LARGE1: variants seen among roughly 807,000 people sequenced by gnomAD.
LARGE1 encodes the protein xylosyl- and glucuronyltransferase LARGE1.
A neutral mutation model predicts 87.6 loss-of-function variants in LARGE1; 43 were observed. The ratio of observed to expected loss-of-function variants is 0.49; its 90% CI spans 0.38 to 0.63. LARGE1 has a LOEUF of 0.63. LARGE1 is among the 30% of genes least tolerant of loss of function. The pLI, the probability that LARGE1 is intolerant of heterozygous loss-of-function variation, is 0.00. For missense variants in LARGE1, 802 were observed against 1,000.2 expected, an observed-to-expected ratio of 0.80 and a Z score of 2.67; for synonymous variants, 434 against 394.6, an observed-to-expected ratio of 1.10 and a Z score of -1.18.
At chr22:33,296,020 A>T (rs530734959) in intron 12 of LARGE1, among the ~76,000 whole-genome samples, 1 of 152,352 alleles carries the variant, frequency 6.6e-6, no homozygotes, top group South Asian at 2.1e-4. Flanking sequence ...TGAGCACTTG[A>T]CCATGTGCGA....
At chr22:33,460,981 A>T (rs1272718013) in intron 6 of LARGE1, among the ~76,000 whole-genome samples, 1 of 151,358 alleles carries the variant, frequency 6.6e-6, no homozygotes, top group East Asian at 1.9e-4. Context: ...AGCAAATACA[A>T]ATCCTATCTA....
chr22:33,584,772 C>T (rs963609447), intron 5 of LARGE1, among the ~76,000 whole-genome samples: 8 of 152,082 alleles, frequency 5.3e-5, no homozygotes, highest in African/African-American at 1.9e-4. Flanking sequence ...CTCGGAAAAT[C>T]CTAACATGAT....
At chr22:33,877,445 T>G (rs75748662) in intron 1 of LARGE1, among the ~76,000 whole-genome samples, 5,308 of 152,272 alleles carry the variant, frequency 0.035, 319 homozygotes, top group African/African-American at 0.12. Flanking sequence ...ACAGATTATC[T>G]GGGTTCAAAC....
intron 3 of LARGE1, among the ~76,000 whole-genome samples, chr22:33,640,812 G>A (rs1168702478): frequency 6.6e-6 from 1 of 152,152 alleles, no homozygotes; most frequent in Admixed American, 6.5e-5. Context: ...TTAATTGACT[G>A]TGCAGAACTC....
rs1389852831 is a variant in LARGE1 at position 33,920,266 on chromosome 22, G to C, written c.-354C>G. ...CTCCCGGCCCGGGGGACTCTTCCGAGCCAGGGGCGCCCCGCATGGGCAGGG... is the reference window on the plus strand; with the variant it reads ...CTCCCGGCCCGGGGGACTCTTCCGACCCAGGGGCGCCCCGCATGGGCAGGG... On this transcript the variant is annotated 5_prime_UTR_variant, in exon 1 of 15. Transcript: ENST00000397394. 6.5e-6 allele frequency: 1 copy of C among 152,764 alleles called. No homozygotes were observed. Among genetic ancestry groups the C allele is most frequent in the African/African-American group, 2.4e-5 (1 of 41,458 alleles). 9.5% of individuals were successfully genotyped at this position (152,764 alleles called of 1,614,324 possible).
upstream of LARGE1, among the ~76,000 whole-genome samples, chr22:33,921,621 G>A (rs975670767): frequency 4.6e-5 from 7 of 152,138 alleles, no homozygotes; most frequent in Non-Finnish European, 7.4e-5. This position sits in a 1 kb window ranked among gnomAD's most constrained non-coding sequence, Gnocchi z 4.1. Flanking sequence ...CCTGTCCAAG[G>A]CTTCCTCTTC....
intron 1 of LARGE1, among the ~76,000 whole-genome samples, chr22:33,815,259 G>A (rs2086616008): frequency 6.6e-6 from 1 of 152,168 alleles, no homozygotes; most frequent in Admixed American, 6.5e-5. Context: ...GCAGAAGCTA[G>A]AACTTCCTCC....
chr22:33,593,041 G>A (rs975353791), intron 5 of LARGE1, among the ~76,000 whole-genome samples: 3 of 152,096 alleles, frequency 2.0e-5, no homozygotes, highest in African/African-American at 2.4e-5. Context: ...GGGTTTCACC[G>A]TGTTAGCCAG....
At position 33,274,442 on chromosome 22, in the gene LARGE1, G is replaced by T. The variant is rs114246562; in HGVS notation, c.2256C>A (p.Ala752=). The T allele has an allele frequency of 6.2e-7, 1 of 1,614,162 alleles. No homozygotes were observed. Among genetic ancestry groups the T allele is most frequent in the Non-Finnish European group, 8.5e-7 (1 of 1,180,026 alleles). The change falls in exon 15 of 15, where the codon GCC becomes GCA. Residue 752 remains alanine, a synonymous_variant. Coordinates refer to ENST00000397394, the MANE Select transcript of LARGE1 (RefSeq NM_133642.5). ...CTTCTTGGTGCTAGCTGTTGTTCTC[G>T]GCTGTGAGATATTTCAGGGCAGCAA... ...YGFAALKYLT[A]ENNS
At chr22:33,294,548 T>C (rs16992082) in intron 12 of LARGE1, among the ~76,000 whole-genome samples, 3,042 of 152,298 alleles carry the variant, frequency 0.02, 80 homozygotes, top group African/African-American at 0.065. Flanking sequence ...ATTTAGTGCA[T>C]AGCCAGTTAG....
intron 3 of LARGE1, among the ~76,000 whole-genome samples, chr22:33,639,473 G>A (rs190419386): frequency 2.9e-4 from 44 of 152,190 alleles, no homozygotes; most frequent in Non-Finnish European, 5.7e-4. Flanking sequence ...TATTCATAAT[G>A]AGTATATGTG....
chr22:33,654,965 C>A (rs1215233396), intron 2 of LARGE1, among the ~76,000 whole-genome samples: 2 of 152,198 alleles, frequency 1.3e-5, no homozygotes, highest in African/African-American at 4.8e-5. Flanking sequence ...CTGGTCTACA[C>A]TACGTTAATC....
At chr22:33,423,649 C>T (rs1324517710) in intron 7 of LARGE1, among the ~76,000 whole-genome samples, 2 of 147,242 alleles carry the variant, frequency 1.4e-5, no homozygotes, top group Non-Finnish European at 3.0e-5. Flanking sequence ...CACTGCCCTC[C>T]AGCCTGGGCT....
the LARGE1 span, among the ~76,000 whole-genome samples, chr22:33,098,916 T>C: frequency 1.3e-5 from 2 of 152,210 alleles, no homozygotes; most frequent in African/African-American, 4.8e-5. Context: ...TTCCCACAGA[T>C]GCCAACCTTG....
intron 4 of LARGE1, among the ~76,000 whole-genome samples, chr22:33,616,040 G>C (rs1022988738): frequency 3.3e-5 from 5 of 152,128 alleles, no homozygotes; most frequent in African/African-American, 1.2e-4. Context: ...GCAGATATTG[G>C]AACCCTCAAT....
intron 11 of LARGE1, among the ~76,000 whole-genome samples, chr22:33,246,809 A>G (rs947102863): frequency 2.6e-5 from 4 of 152,200 alleles, no homozygotes; most frequent in African/African-American, 9.7e-5. Flanking sequence ...GTGGTCAACA[A>G]CTTTTTATCA....
chr22:33,308,743 C>T (rs1935223309), intron 11 of LARGE1, among the ~76,000 whole-genome samples: 2 of 152,156 alleles, frequency 1.3e-5, no homozygotes, highest in South Asian at 4.1e-4. Flanking sequence ...ACGGCAGACA[C>T]AGGAATGAGC....
chr22:33,454,475 C>T (rs573503518), intron 6 of LARGE1, among the ~76,000 whole-genome samples: 78 of 151,770 alleles, frequency 5.1e-4, no homozygotes, highest in African/African-American at 1.7e-3. Flanking sequence ...AAAAATTAGT[C>T]GGGTGTGGTG....
intron 11 of LARGE1, among the ~76,000 whole-genome samples, chr22:33,254,146 G>A (rs925453336): frequency 6.6e-6 from 1 of 152,284 alleles, no homozygotes; most frequent in South Asian, 2.1e-4. Flanking sequence ...CTCAAAGGCA[G>A]GCCAAGGAGT....
Sources: gnomAD v4.1 joint callset for allele counts (sites outside exome capture counted in the v4.1 genomes callset) on GRCh38, gnomAD v4.1.1 for gene constraint, Gnocchi (gnomAD v3.1) non-coding constraint, MANE v1.5 for transcripts, NCBI Gene and HGNC (gene_info 2026-07-23, HGNC 2026-07-21) for gene names.